Variants in CADM1 observed in about 807,000 individuals in gnomAD.
CADM1 encodes the protein TSLC-1.
Under a neutral mutation model 53.1 loss-of-function variants are expected in CADM1, and 15 were observed. The ratio of observed to expected loss-of-function variants is 0.28; its 90% CI spans 0.19 to 0.44. CADM1 has a LOEUF of 0.44. CADM1 is among the 20% of genes least tolerant of loss of function. The probability of loss-of-function intolerance (pLI) is 1.00; values close to 1 mark genes in which losing one functional copy is unlikely to be tolerated. For missense variants in CADM1, 434 were observed against 611.3 expected, an observed-to-expected ratio of 0.71 and a Z score of 3.06; for synonymous variants, 281 against 243.0, an observed-to-expected ratio of 1.16 and a Z score of -1.45.
chr11:115,330,466 A>C (rs1453093364), intron 1 of CADM1, among the ~76,000 whole-genome samples: 1 of 152,052 alleles, frequency 6.6e-6, no homozygotes, highest in Non-Finnish European at 1.5e-5. Context: ...TCTTTTTTAC[A>C]TCCTTGGGCT....
intron 1 of CADM1, among the ~76,000 whole-genome samples, chr11:115,310,499 G>C (rs1381663885): frequency 6.6e-6 from 1 of 152,082 alleles, no homozygotes; most frequent in East Asian, 1.9e-4. Flanking sequence ...GTATGTATGG[G>C]GGGGTGGAGA....
chr11:115,176,702 C>T (rs994704356), intron 11 of CADM1, 110 bp from the exon 12 acceptor site: 4 of 910,162 alleles, frequency 4.4e-6, no homozygotes, highest in Non-Finnish European at 7.3e-6. Context: ...GGTGTGCAGG[C>T]AGCAGAGGGG....
chr11:115,343,192 ATTAAG>A (rs1284721405), intron 1 of CADM1, among the ~76,000 whole-genome samples: 2 of 152,156 alleles, frequency 1.3e-5, no homozygotes, highest in Non-Finnish European at 1.5e-5. Flanking sequence ...GCTTAGAAAA[ATTAAG>A]TTAATTGTCC....
intron 1 of CADM1, among the ~76,000 whole-genome samples, chr11:115,393,066 CAAAAA>C (rs758785520): frequency 1.0e-4 from 5 of 50,218 alleles, no homozygotes; most frequent in South Asian, 9.9e-4. Context: ...CCATCTCTTC[CAAAAA>C]AAAAAAAAAA....
At chr11:115,189,332 A>T (rs1441484921) in intron 10 of CADM1, among the ~76,000 whole-genome samples, 1 of 152,142 alleles carries the variant, frequency 6.6e-6, no homozygotes, top group Non-Finnish European at 1.5e-5. Flanking sequence ...TTTCCTAAAG[A>T]GGAGAAAAAT....
At chr11:115,198,380 T>C (rs1940261792) in intron 9 of CADM1, 26 bp downstream of exon 9, 1 of 1,579,196 alleles carries the variant, frequency 6.3e-7, no homozygotes, top group African/African-American at 1.3e-5. Flanking sequence ...GCTGAGAAAG[T>C]AGATAAACAG....
intron 1 of CADM1, among the ~76,000 whole-genome samples, chr11:115,380,681 T>G (rs1280763779): frequency 1.3e-5 from 2 of 152,144 alleles, no homozygotes; most frequent in African/African-American, 4.8e-5. Flanking sequence ...CATTTTTTAG[T>G]AATAGCTAAA....
chr11:115,217,225 A>G (rs910941602), intron 6 of CADM1, among the ~76,000 whole-genome samples: 1 of 152,202 alleles, frequency 6.6e-6, no homozygotes, highest in African/African-American at 2.4e-5. Context: ...TAGTGATGAT[A>G]TATGTAGTTC....
At chr11:115,290,951 A>G (rs1237668759) in intron 1 of CADM1, among the ~76,000 whole-genome samples, 1 of 152,228 alleles carries the variant, frequency 6.6e-6, no homozygotes, top group Non-Finnish European at 1.5e-5. Flanking sequence ...ATCTCCAAAT[A>G]GAATAGCGCA....
intron 1 of CADM1, among the ~76,000 whole-genome samples, 181 bp downstream of exon 1, chr11:115,504,090 G>C (rs919744164): frequency 1.3e-5 from 2 of 152,198 alleles, no homozygotes; most frequent in African/African-American, 4.8e-5. Flanking sequence ...CAGGGGAGAA[G>C]GGGCTCACAG....
intron 1 of CADM1, among the ~76,000 whole-genome samples, chr11:115,366,603 A>T (rs529893968): frequency 6.6e-6 from 1 of 152,344 alleles, no homozygotes; most frequent in South Asian, 2.1e-4. Flanking sequence ...AATCTGTGTG[A>T]TGTAAAAAAT....
rs1946274681 is a variant in CADM1, at chr11:115,370,156, C to T, written c.125-129736G>A. ...CAAAAATTCTCTCTCCAGACAAGTACAGGTAAGGTTCTAATCTATTGATGG... is the reference window on the plus strand; with the variant it reads ...CAAAAATTCTCTCTCCAGACAAGTATAGGTAAGGTTCTAATCTATTGATGG... On this transcript the variant is annotated intron_variant, in intron 1 of 11. Transcript: ENST00000331581. 2.6e-5 allele frequency among the ~76,000 whole-genome samples: 4 copies of T among 152,126 alleles called. 1 individual carries two copies. The highest frequency in any genetic ancestry group is 2.6e-4 in the Admixed American group (4 of 15,262).
intron 1 of CADM1, among the ~76,000 whole-genome samples, chr11:115,282,997 GCT>G (rs1458769798): frequency 6.6e-6 from 1 of 152,074 alleles, no homozygotes; most frequent in Non-Finnish European, 1.5e-5. Context: ...CTCTCTGTGG[GCT>G]GAATTATGCT....
At position 115,282,341 on chromosome 11, in the gene CADM1, C is replaced by A. The variant is rs558236821; in HGVS notation, c.125-41921G>T. On this transcript the variant is annotated intron_variant, in intron 1 of 11. Transcript: ENST00000331581. ...GCTGCATCTACCCTATGGCTGGAACCTTTAGCTTCCAGGATATTATCTTGT... is the reference window on the plus strand; with the variant it reads ...GCTGCATCTACCCTATGGCTGGAACATTTAGCTTCCAGGATATTATCTTGT... Among the ~76,000 whole-genome samples, 7 of 152,274 alleles carry A rather than the reference C, an allele frequency of 4.6e-5. No homozygotes were observed. The East Asian group carries it at 1.2e-3, about 25-fold the overall frequency.
At chr11:115,443,353 G>C (rs1948369488) in intron 1 of CADM1, among the ~76,000 whole-genome samples, 1 of 152,130 alleles carries the variant, frequency 6.6e-6, no homozygotes, top group African/African-American at 2.4e-5. Context: ...GACATTTTTT[G>C]ATAATAAAAG....
intron 1 of CADM1, among the ~76,000 whole-genome samples, chr11:115,279,365 A>G (rs1943527014): frequency 6.6e-6 from 1 of 152,210 alleles, no homozygotes; most frequent in East Asian, 1.9e-4. Context: ...ATATTTCACA[A>G]AGACCATGTA....
intron 1 of CADM1, among the ~76,000 whole-genome samples, chr11:115,470,591 T>C (rs1474790395): frequency 1.3e-5 from 2 of 152,164 alleles, no homozygotes; most frequent in African/African-American, 2.4e-5. Context: ...CTGTACAAAT[T>C]AGGACATTTG....
At chr11:115,465,117 G>C (rs1037480165) in intron 1 of CADM1, among the ~76,000 whole-genome samples, 3 of 152,140 alleles carry the variant, frequency 2.0e-5, no homozygotes, top group Non-Finnish European at 2.9e-5. Context: ...GATTTCATTA[G>C]CATTATACAG....
chr11:115,461,162 T>C (rs1239864275), intron 1 of CADM1, among the ~76,000 whole-genome samples: 1 of 152,036 alleles, frequency 6.6e-6, no homozygotes, highest in Non-Finnish European at 1.5e-5. Context: ...AGTATATATA[T>C]AATAAAGCTC....
Sources: allele counts gnomAD v4.1 joint callset (sites outside exome capture counted in the v4.1 genomes callset), GRCh38; gene constraint gnomAD v4.1.1; transcripts MANE v1.5; gene names NCBI Gene and HGNC (gene_info 2026-07-23, HGNC 2026-07-21).